RPS6KC1: variants seen among roughly 807,000 people sequenced by gnomAD.
RPS6KC1 encodes ribosomal protein S6 kinase C1, also known as inactive ribosomal protein S6 kinase delta-1.
In RPS6KC1, 54 loss-of-function variants were observed where a neutral mutation model predicts 103.8. That is an observed-to-expected ratio of 0.52 (90% CI 0.42 to 0.65). The LOEUF (loss-of-function observed/expected upper bound fraction) is 0.65, where lower values mean the gene tolerates loss of function less well. RPS6KC1 is among the 30% of genes least tolerant of loss of function. RPS6KC1 has a pLI of 0.00. For synonymous variants in RPS6KC1, 439 were observed against 438.7 expected, an observed-to-expected ratio of 1.00 and a Z score of -0.01; for missense variants, 1,151 against 1,253.8, an observed-to-expected ratio of 0.92 and a Z score of 1.24.
the RPS6KC1 span, among the ~76,000 whole-genome samples, chr1:213,304,224 AAAGAAGGTAT>A: frequency 1.3e-5 from 2 of 151,184 alleles, no homozygotes; most frequent in South Asian, 2.1e-4. Flanking sequence ...AAAAAAAAAA[AAAGAAGGTAT>A]AGATGCTTGA....
chr1:213,173,580 T>A (rs1222102852), intron 7 of RPS6KC1, among the ~76,000 whole-genome samples: 4 of 152,238 alleles, frequency 2.6e-5, no homozygotes, highest in Non-Finnish European at 4.4e-5. Flanking sequence ...TTGTATACAG[T>A]ATAGAATAAC....
the RPS6KC1 span, among the ~76,000 whole-genome samples, chr1:213,796,708 C>T: frequency 6.6e-6 from 1 of 152,174 alleles, no homozygotes; most frequent in Admixed American, 6.5e-5. Flanking sequence ...CACACAGGCA[C>T]ATTTATCTTC....
chr1:213,680,204 G>A, the RPS6KC1 span, among the ~76,000 whole-genome samples: 1 of 152,158 alleles, frequency 6.6e-6, no homozygotes, highest in African/African-American at 2.4e-5. Flanking sequence ...GGGAACACGA[G>A]TATTGCACAA....
chr1:213,641,566 G>A, the RPS6KC1 span, among the ~76,000 whole-genome samples: 6 of 152,100 alleles, frequency 3.9e-5, no homozygotes, highest in African/African-American at 1.4e-4. Flanking sequence ...CTGGGTAAAG[G>A]TCTACTGGTT....
chr1:213,621,250 A>G, the RPS6KC1 span, among the ~76,000 whole-genome samples: 1 of 152,220 alleles, frequency 6.6e-6, no homozygotes, highest in Non-Finnish European at 1.5e-5. Flanking sequence ...ACTAAAAGTC[A>G]GAAATGTCAG....
At chr1:213,793,431 C>G in the RPS6KC1 span, among the ~76,000 whole-genome samples, 3 of 152,190 alleles carry the variant, frequency 2.0e-5, no homozygotes, top group Non-Finnish European at 2.9e-5. Flanking sequence ...TTAACAGGCT[C>G]TCATTATTTA....
At chr1:213,066,130 C>T (rs570567338) in intron 1 of RPS6KC1, among the ~76,000 whole-genome samples, 7 of 152,292 alleles carry the variant, frequency 4.6e-5, no homozygotes, top group South Asian at 2.1e-4. Context: ...CTATGCCTAG[C>T]GCAGTGCCTT....
chr1:213,088,455 C>T (rs1400102950), intron 3 of RPS6KC1, among the ~76,000 whole-genome samples: 8 of 151,972 alleles, frequency 5.3e-5, no homozygotes, highest in South Asian at 2.1e-4. Flanking sequence ...CCTCTACCTC[C>T]GGGTTCAAGC....
the RPS6KC1 span, chr1:213,818,066 GT>G: frequency 1.3e-5 from 2 of 152,178 alleles, no homozygotes; most frequent in African/African-American, 4.8e-5. Context: ...AAATAAACGT[GT>G]GTGTTCTGCC....
At chr1:213,276,716 G>A (rs2095113206), downstream of RPS6KC1, among the ~76,000 whole-genome samples, 1 of 152,170 alleles carries the variant, frequency 6.6e-6, no homozygotes, top group African/African-American at 2.4e-5. Flanking sequence ...CATCTGCTCA[G>A]TAGCATAGCC....
chr1:213,667,482 T>A, the RPS6KC1 span, among the ~76,000 whole-genome samples: 1 of 152,238 alleles, frequency 6.6e-6, no homozygotes, highest in Non-Finnish European at 1.5e-5. Flanking sequence ...AATACTTTAT[T>A]GCTAAAAAAT....
At chr1:213,588,724 T>C in the RPS6KC1 span, among the ~76,000 whole-genome samples, 1 of 152,198 alleles carries the variant, frequency 6.6e-6, no homozygotes, top group Non-Finnish European at 1.5e-5. Context: ...GTCATCCTCC[T>C]GGGCTCTAGT....
the RPS6KC1 span, among the ~76,000 whole-genome samples, chr1:213,731,888 A>G: frequency 6.6e-6 from 1 of 152,140 alleles, no homozygotes; most frequent in Non-Finnish European, 1.5e-5. Context: ...TTTACATAAT[A>G]TTTATAAATA....
At chr1:213,148,881 G>GT (rs1308680633) in intron 6 of RPS6KC1, among the ~76,000 whole-genome samples, 1 of 151,960 alleles carries the variant, frequency 6.6e-6, no homozygotes, top group African/African-American at 2.4e-5. Flanking sequence ...CAGGTTCTGT[G>GT]TTTTTTCCTG....
chr1:213,667,665 T>C, the RPS6KC1 span, among the ~76,000 whole-genome samples: 2 of 152,182 alleles, frequency 1.3e-5, no homozygotes, highest in African/African-American at 2.4e-5. Context: ...GACTCTGTCT[T>C]TCACAAAAGG....
chr1:213,214,931 A>G (rs1269078686), intron 8 of RPS6KC1, among the ~76,000 whole-genome samples: 1 of 152,146 alleles, frequency 6.6e-6, no homozygotes, highest in Admixed American at 6.5e-5. Context: ...TGGGGAAAAA[A>G]CAGAACATAA....
chr1:213,098,550 C>G (rs1484375933), intron 3 of RPS6KC1, among the ~76,000 whole-genome samples: 1 of 151,982 alleles, frequency 6.6e-6, no homozygotes, highest in Non-Finnish European at 1.5e-5. Context: ...ATTGTTGTGT[C>G]TCAGGGAATA....
chr1:213,122,404 CTTA>C (rs1018962035), intron 5 of RPS6KC1, among the ~76,000 whole-genome samples: 2 of 151,830 alleles, frequency 1.3e-5, no homozygotes, highest in African/African-American at 4.8e-5. Flanking sequence ...TTTATTTTGT[CTTA>C]TTATTTGTGT....
chr1:213,669,155 A>G, the RPS6KC1 span, among the ~76,000 whole-genome samples: 1 of 152,230 alleles, frequency 6.6e-6, no homozygotes, highest in Non-Finnish European at 1.5e-5. Flanking sequence ...CTTTGGCCCA[A>G]GAGGCCTAGC....
Sources: allele counts gnomAD v4.1 joint callset (sites outside exome capture counted in the v4.1 genomes callset), GRCh38; gene constraint gnomAD v4.1.1; transcripts MANE v1.5; gene names NCBI Gene and HGNC (gene_info 2026-07-23, HGNC 2026-07-21).